Variants in TJP1 observed in about 807,000 individuals in gnomAD.
The protein encoded by TJP1 is tight junction protein 1.
In TJP1, 43 loss-of-function variants were observed where a neutral mutation model predicts 194.2. That is an observed-to-expected ratio of 0.22 (90% confidence interval 0.17 to 0.29). The LOEUF is 0.29. TJP1 is among the 10% of genes least tolerant of loss of function. The probability of loss-of-function intolerance (pLI) is 1.00; values close to 1 mark genes in which losing one functional copy is unlikely to be tolerated. For synonymous variants in TJP1, 801 were observed against 779.0 expected (o/e 1.03, Z -0.47); for missense variants, 1,971 against 2,185.7 (o/e 0.90, Z 1.96).
intron 8 of TJP1, among the ~76,000 whole-genome samples, chr15:29,760,697 A>G (rs2151520958): frequency 6.6e-6 from 1 of 152,276 alleles, no homozygotes; most frequent in African/African-American, 2.4e-5. Flanking sequence ...TATTTTTAAA[A>G]GAGAAAACAA....
exon 1 of TJP1, chr15:29,968,913 C>A: frequency 4.3e-6 from 1 of 234,006 alleles, no homozygotes; most frequent in Non-Finnish European, 6.9e-6. Context: ...CAGCTGCGGC[C>A]GTGCGTGGCC....
intron 24 of TJP1, among the ~76,000 whole-genome samples, chr15:29,709,766 TA>T (rs1566862878): frequency 2.0e-5 from 3 of 152,160 alleles, no homozygotes; most frequent in African/African-American, 7.2e-5. Context: ...CCTTCCTCCT[TA>T]AAATCAGGAA....
intron 2 of TJP1, among the ~76,000 whole-genome samples, chr15:29,920,650 G>A (rs1422077766): frequency 6.6e-6 from 1 of 152,178 alleles, no homozygotes; most frequent in African/African-American, 2.4e-5. Flanking sequence ...CATCTGCGGG[G>A]CGAAGGTGCT....
At position 29,718,786 on chromosome 15, in the gene TJP1, T is replaced by C. The variant is rs755728718; in HGVS notation, c.3356A>G (p.His1119Arg). The C allele has an allele frequency of 2.5e-6, 4 of 1,614,060 alleles. No homozygotes were observed. The East Asian group carries it at 8.9e-5, about 36-fold the overall frequency. ...QHSQDLDSRQ[H>R]PEESSERGYF... Reference sequence around the variant, plus strand: ...CCCTCGTTCTGAGGACTCTTCGGGATGCTGTCTGGAGTCAAGGTCTTGAGA... The same window carrying C: ...CCCTCGTTCTGAGGACTCTTCGGGACGCTGTCTGGAGTCAAGGTCTTGAGA... Residue 1119 changes from histidine (H) to arginine (R), a missense_variant, in exon 21 of 28, where the codon CAT becomes CGT. Physicochemically the swap from His to Arg is conservative, Grantham distance 29. This residue lies in a region of TJP1 where 1,108 missense variants were observed against 1,128.5 expected (regional missense o/e 0.98). Coordinates refer to ENST00000614355, the MANE Select transcript of TJP1 (RefSeq NM_001330239.4).
At chr15:29,933,710 C>A (rs2054793932) in intron 2 of TJP1, among the ~76,000 whole-genome samples, 1 of 152,114 alleles carries the variant, frequency 6.6e-6, no homozygotes, top group African/African-American at 2.4e-5. Context: ...GATCTGTTAT[C>A]TGTCTACCTT....
At chr15:29,794,433 T>C (rs578080763) in intron 2 of TJP1, among the ~76,000 whole-genome samples, 6 of 152,278 alleles carry the variant, frequency 3.9e-5, no homozygotes, top group East Asian at 3.9e-4. Context: ...AGGTACAAAA[T>C]GGAACCTACA....
chr15:29,923,828 C>T (rs1460525851), intron 2 of TJP1, among the ~76,000 whole-genome samples: 1 of 152,158 alleles, frequency 6.6e-6, no homozygotes, highest in Non-Finnish European at 1.5e-5. Context: ...CTCAATAAAG[C>T]TGTTAAAAAC....
chr15:29,718,388 C>T lies in TJP1; in HGVS notation c.3754G>A (p.Glu1252Lys), dbSNP rs539329069. 20 of 1,614,014 alleles carry T rather than the reference C, an allele frequency of 1.2e-5. No homozygotes were observed. Among genetic ancestry groups the T allele is most frequent in the African/African-American group, 5.3e-5 (4 of 74,976 alleles). Residue 1252 changes from glutamate to lysine, a missense_variant, in exon 21 of 28, where the codon GAA becomes AAA. By Grantham distance (56) the Glu-to-Lys change is moderately conservative. Transcript: ENST00000614355. ...TTCATTGCTGGATCTTCCTCTTCTT[C>T]GGTTTGAGTTGGGGGTGGAGGCAGT... ...KPLPPPPTQT[E>K]EEEDPAMKPQ...
Position 29,762,299 on chromosome 15 carries a change from A to G in TJP1, c.693+36T>C, listed in dbSNP as rs376763142. On this transcript the variant is annotated intron_variant, in intron 6 of 27. Transcript: ENST00000614355. ...ATGGTAACTCTAGAACTTGTTTTCT[A>G]TTTCAGTTCATTAAAAAGTAAGAAT... 1,351 of 1,541,764 alleles carry G rather than the reference A, an allele frequency of 8.8e-4. 19 individuals carry two copies. The South Asian group carries it at 0.013, about 15-fold the overall frequency.
intron 2 of TJP1, among the ~76,000 whole-genome samples, chr15:29,786,956 C>A (rs532281231): frequency 1.3e-5 from 2 of 152,278 alleles, no homozygotes; most frequent in African/African-American, 2.4e-5. Context: ...ACTTCACAGA[C>A]AAATATAATG....
At chr15:29,858,265 G>A (rs1191218043) in intron 2 of TJP1, among the ~76,000 whole-genome samples, 1 of 152,110 alleles carries the variant, frequency 6.6e-6, no homozygotes, top group Admixed American at 6.5e-5. Flanking sequence ...GCCAGATGTG[G>A]TGGTGCATGC....
intron 2 of TJP1, among the ~76,000 whole-genome samples, chr15:29,927,157 T>TA (rs2054552016): frequency 6.6e-6 from 1 of 152,064 alleles, no homozygotes; most frequent in African/African-American, 2.4e-5. Context: ...CCATCTGTAC[T>TA]AAAAATACAA....
chr15:29,723,206 A>G (rs1485553727), intron 18 of TJP1, among the ~76,000 whole-genome samples: 1 of 152,102 alleles, frequency 6.6e-6, no homozygotes, highest in Non-Finnish European at 1.5e-5. Context: ...GAACAGAATG[A>G]TATGGTTTGG....
chr15:29,907,925 T>A (rs1408556075), intron 2 of TJP1, among the ~76,000 whole-genome samples: 2 of 151,596 alleles, frequency 1.3e-5, no homozygotes, highest in Non-Finnish European at 2.9e-5. Flanking sequence ...CTCTTATCAT[T>A]TTCTGCTCTT....
intron 2 of TJP1, among the ~76,000 whole-genome samples, chr15:29,935,445 C>T (rs1233525443): frequency 6.6e-6 from 1 of 152,132 alleles, no homozygotes; most frequent in Non-Finnish European, 1.5e-5. Context: ...GAAATGTCGC[C>T]GGAGCAGCAT....
chr15:29,741,676 A>G (rs1423769630), intron 9 of TJP1, among the ~76,000 whole-genome samples: 1 of 152,194 alleles, frequency 6.6e-6, no homozygotes, highest in African/African-American at 2.4e-5. Context: ...CTATTCTTTA[A>G]GAACGAATAA....
At chr15:29,779,478 G>C (rs1299094738) in intron 2 of TJP1, among the ~76,000 whole-genome samples, 1 of 152,010 alleles carries the variant, frequency 6.6e-6, no homozygotes, top group Non-Finnish European at 1.5e-5. Flanking sequence ...CTCCTCATTT[G>C]GCAGTCTTGT....
chr15:29,820,038 A>C (rs1449829015), intron 1 of TJP1, among the ~76,000 whole-genome samples: 1 of 152,216 alleles, frequency 6.6e-6, no homozygotes, highest in African/African-American at 2.4e-5. Flanking sequence ...GCATATTCAT[A>C]GGATGACAAA....
chr15:29,743,488 G>A (rs977363873), intron 8 of TJP1, among the ~76,000 whole-genome samples: 5 of 152,186 alleles, frequency 3.3e-5, no homozygotes, highest in South Asian at 2.1e-4. Flanking sequence ...CACTTTGGGA[G>A]GCCAAGGCAA....
Sources: allele counts gnomAD v4.1 joint callset (sites outside exome capture counted in the v4.1 genomes callset), GRCh38; gene constraint gnomAD v4.1.1; regional missense constraint gnomAD v4.1.1; transcripts MANE v1.5; gene names NCBI Gene and HGNC (gene_info 2026-07-23, HGNC 2026-07-21).